ZPR1: variants seen among roughly 807,000 people sequenced by gnomAD.
The protein encoded by ZPR1 is ZPR1 zinc finger.
ZPR1 carries 37 observed loss-of-function variants against 59.6 expected under a neutral mutation model. That is an observed-to-expected ratio of 0.62 (90% CI 0.48 to 0.82). The LOEUF is 0.82. ZPR1 is among the 40% of genes least tolerant of loss of function. The pLI is 0.00. For synonymous variants in ZPR1, 191 were observed against 215.2 expected (o/e 0.89, Z 0.99); for missense variants, 527 against 579.9 (o/e 0.91, Z 0.94).
chr11:116,787,721 C>A, intron 1 of ZPR1, 78 bp from the exon 2 acceptor site: 1 of 1,538,118 alleles, frequency 6.5e-7, no homozygotes. Flanking sequence ...GGGCGCTCCT[C>A]GGGGTCCCCG....
intron 10 of ZPR1, 58 bp downstream of exon 10, chr11:116,783,472 T>C: frequency 7.0e-7 from 1 of 1,436,004 alleles, no homozygotes; most frequent in African/African-American, 1.4e-5. Flanking sequence ...TTCCCCTAGA[T>C]AGAGACAGTT....
Position 116,787,550 on chromosome 11 carries a change from C to T in ZPR1, c.265G>A (p.Glu89Lys), listed in dbSNP as rs1380130930. The T allele has an allele frequency of 6.2e-7, 1 of 1,614,076 alleles. No individual in the cohort carries two copies. The highest frequency in any genetic ancestry group is 2.2e-5 in the East Asian group (1 of 44,896). Residue 89 changes from glutamate to lysine, a missense_variant, in exon 2 of 14, where the codon GAG becomes AAG. By Grantham distance (56) the Glu-to-Lys change is moderately conservative. Coordinates refer to ENST00000227322, the MANE Select transcript of ZPR1 (RefSeq NM_003904.5). ...TGGATCCTGCCTGCCGACTGGATCTCCGTGTTGTTCCAGCCACAGTGCTCG... is the reference window on the plus strand; with the variant it reads ...TGGATCCTGCCTGCCGACTGGATCTTCGTGTTGTTCCAGCCACAGTGCTCG... ...SCEHCGWNNTEIQSAGRIQDQ... is the reference protein window; with the variant it reads ...SCEHCGWNNTKIQSAGRIQDQ...
At chr11:116,779,446 A>T (rs1177509218) in intron 13 of ZPR1, among the ~76,000 whole-genome samples, 1 of 152,116 alleles carries the variant, frequency 6.6e-6, no homozygotes, top group Non-Finnish European at 1.5e-5. Context: ...TCAGTTTCCT[A>T]TCTTGGCCTC....
In ZPR1 at chr11:116,786,560, A is replaced by G. The variant is rs767952878; in HGVS notation, c.446T>C (p.Leu149Ser). 6.2e-6 allele frequency: 10 copies of G among 1,614,094 alleles called. No individual in the cohort carries two copies. In the African/African-American group the frequency reaches 1.3e-4, roughly 22 times the overall value. ...CAGGCCAGAGATAGCACGGGTGATC[A>G]ATCCTTCAACAGTGGTCAGAGCTTG... ...QKGALTTVEG[L>S]ITRAISGLEQ... Residue 149 changes from leucine (L) to serine (S), a missense_variant, in exon 4 of 14, where the codon TTG becomes TCG. By Grantham distance (145) the Leu-to-Ser change is moderately radical. Transcript: ENST00000227322.
At position 116,784,364 on chromosome 11, in the gene ZPR1, T is replaced by C. The variant is rs1169730809; in HGVS notation, c.891+14A>G. On this transcript the variant is annotated intron_variant, in intron 9 of 13. Coordinates refer to ENST00000227322, the MANE Select transcript of ZPR1 (RefSeq NM_003904.5). ...TTAAGCTAGTCTTCTTCCCAAATAATGGCGCCCACCCACCTCATTGGTCCG... is the reference window on the plus strand; with the variant it reads ...TTAAGCTAGTCTTCTTCCCAAATAACGGCGCCCACCCACCTCATTGGTCCG... The C allele has an allele frequency of 1.2e-6, 2 of 1,613,654 alleles. No individual in the cohort carries two copies. The highest frequency in any genetic ancestry group is 1.7e-6 in the Non-Finnish European group (2 of 1,179,930).
Position 116,783,592 on chromosome 11 carries a change from A to C in ZPR1, c.919T>G (p.Leu307Val), listed in dbSNP as rs543437138. 1 of 1,614,034 alleles carries C rather than the reference A, an allele frequency of 6.2e-7. No homozygotes were observed. Among genetic ancestry groups the C allele is most frequent in the African/African-American group, 1.3e-5 (1 of 74,916 alleles). Reference protein sequence around the residue: ...EVKSGGAVEPLGTRITLHITD... With the variant: ...EVKSGGAVEPVGTRITLHITD... ...ATGTGGAGGGTGATCCTGGTGCCCA[A>C]GGGTTCTACTGCTCCTCCAGATTTC... is the stretch of plus-strand genomic sequence containing the variant. Residue 307 changes from leucine to valine, a missense_variant, in exon 10 of 14, where the codon TTG becomes GTG. Leu to Val is a conservative substitution (Grantham distance 32). Transcript: ENST00000227322.
intron 12 of ZPR1, among the ~76,000 whole-genome samples, chr11:116,781,495 A>G (rs1006018634): frequency 9.2e-5 from 14 of 152,238 alleles, no homozygotes; most frequent in African/African-American, 3.4e-4. Context: ...ACCAAACTGG[A>G]AGACCATAGT....
intron 12 of ZPR1, among the ~76,000 whole-genome samples, chr11:116,780,973 A>G (rs1425521513): frequency 6.6e-6 from 1 of 152,222 alleles, no homozygotes; most frequent in East Asian, 1.9e-4. Context: ...ATAATCCTCA[A>G]GAAGAAAAAA....
At chr11:116,786,890 G>T in intron 3 of ZPR1, 79 bp downstream of exon 3, 1 of 1,138,154 alleles carries the variant, frequency 8.8e-7, no homozygotes, top group Non-Finnish European at 1.3e-6. Flanking sequence ...ACTAGACCTG[G>T]CACCAGGGGG....
intron 2 of ZPR1, 75 bp downstream of exon 2, chr11:116,787,407 C>T: frequency 6.7e-7 from 1 of 1,498,706 alleles, no homozygotes; most frequent in Non-Finnish European, 9.1e-7. Flanking sequence ...GATCCGACCG[C>T]CTGGACCAGA....
rs1940727334 is a variant in ZPR1 at position 116,776,550 on chromosome 11, T to A, written c.*2375A>T. 2 of 152,230 alleles carry A rather than the reference T, an allele frequency of 1.3e-5. No homozygotes were observed. The allele number at this position is 152,230 out of a possible 1,614,324, so 9.4% of individuals were successfully genotyped here. A position where few individuals can be genotyped will look rare whatever the true frequency, so the allele number is the denominator to read the frequency against. ...TGAAAGATAATTCAAGAGAAGGGTA[T>A]GAAACTGAAGAATGCCTTGTCATCA... On this transcript the variant is annotated 3_prime_UTR_variant, in exon 14 of 14. Transcript: ENST00000227322.
At chr11:116,779,110 T>G in intron 13 of ZPR1, 51 bp from the exon 14 acceptor site, 1 of 1,598,430 alleles carries the variant, frequency 6.3e-7, no homozygotes, top group Non-Finnish European at 8.5e-7. Context: ...TCCCCCTCTC[T>G]GCAGGCAGCT....
At chr11:116,784,584 TC>T in intron 8 of ZPR1, 136 bp from the exon 9 acceptor site, 1 of 952,368 alleles carries the variant, frequency 1.1e-6, no homozygotes, top group Non-Finnish European at 1.7e-6. Context: ...GCCCACAGAG[TC>T]CTCCAGAAGA....
chr11:116,784,489 A>C, intron 8 of ZPR1, 41 bp from the exon 9 acceptor site: 1 of 1,586,754 alleles, frequency 6.3e-7, no homozygotes, highest in South Asian at 1.1e-5. Flanking sequence ...CAGGCGAACA[A>C]GACCACCATC....
At chr11:116,785,489 C>A (rs1185095424) in intron 6 of ZPR1, 25 bp downstream of exon 6, 1 of 1,611,706 alleles carries the variant, frequency 6.2e-7, no homozygotes. Flanking sequence ...CCAGAGCATT[C>A]TTCTGGATCC....
In ZPR1 at chr11:116,787,521, G is replaced by A; in HGVS notation, c.294C>T (p.Asp98=). The A allele has an allele frequency of 6.2e-7, 1 of 1,614,144 alleles. No individual in the cohort carries two copies. Among genetic ancestry groups the A allele is most frequent in the Non-Finnish European group, 8.5e-7 (1 of 1,180,028 alleles). ...CAGACAAAGTGTAGCGCACTCCCTG[G>A]TCCTGGATCCTGCCTGCCGACTGGA... The part of the protein sequence containing the change: ...TEIQSAGRIQ[D]QGVRYTLSVR... Residue 98 remains aspartate, a synonymous_variant, in exon 2 of 14, where the codon GAC becomes GAT. Transcript: ENST00000227322.
chr11:116,785,761 C>T (rs763724501), intron 5 of ZPR1, 35 bp downstream of exon 5: 1 of 1,612,672 alleles, frequency 6.2e-7, no homozygotes, highest in South Asian at 1.1e-5. Context: ...CCCTCCTCCC[C>T]TAATCAAGGG....
intron 12 of ZPR1, among the ~76,000 whole-genome samples, chr11:116,780,327 A>G (rs1044325691): frequency 4.1e-5 from 6 of 147,620 alleles, no homozygotes; most frequent in Non-Finnish European, 7.4e-5. Flanking sequence ...AAATGAATGT[A>G]AGCTTATGGG....
intron 10 of ZPR1, 83 bp downstream of exon 10, chr11:116,783,447 T>C (rs1565321284): frequency 8.8e-6 from 11 of 1,249,580 alleles, no homozygotes; most frequent in Admixed American, 1.7e-5. Flanking sequence ...CTGAACATTA[T>C]TTCTAAAAGA....
Sources: allele counts gnomAD v4.1 joint callset (sites outside exome capture counted in the v4.1 genomes callset), GRCh38; gene constraint gnomAD v4.1.1; transcripts MANE v1.5; gene names NCBI Gene and HGNC (gene_info 2026-07-23, HGNC 2026-07-21).